ASIC2: variants seen among roughly 807,000 people sequenced by gnomAD.
The protein encoded by ASIC2 is acid-sensing ion channel 2.
Under a neutral mutation model 57.3 loss-of-function variants are expected in ASIC2, and 25 were observed. The observed-to-expected ratio is 0.44, with a 90% CI of 0.32 to 0.61. The LOEUF is 0.61. Ranked by LOEUF, ASIC2 falls within the 20% of genes least tolerant of loss-of-function variation. The probability of loss-of-function intolerance (pLI) is 0.06; values close to 1 mark genes in which losing one functional copy is unlikely to be tolerated. For synonymous variants in ASIC2, 319 were observed against 307.5 expected (o/e 1.04, Z -0.39); for missense variants, 641 against 738.1 (o/e 0.87, Z 1.52).
intron 1 of ASIC2, among the ~76,000 whole-genome samples, chr17:33,532,239 A>G (rs1445831362): frequency 6.6e-6 from 1 of 152,150 alleles, no homozygotes; most frequent in Non-Finnish European, 1.5e-5. Context: ...GTCATTCATC[A>G]AACCCATTTT....
intron 1 of ASIC2, among the ~76,000 whole-genome samples, chr17:33,347,816 G>A (rs1908010758): frequency 6.6e-6 from 1 of 152,154 alleles, no homozygotes; most frequent in African/African-American, 2.4e-5. Flanking sequence ...AAAATGGATT[G>A]TTATGCTGGG....
intron 1 of ASIC2, among the ~76,000 whole-genome samples, chr17:33,317,371 T>C (rs1047738229): frequency 5.9e-5 from 9 of 152,154 alleles, no homozygotes; most frequent in African/African-American, 2.2e-4. Context: ...TGCCTCCAGG[T>C]TGGGTGAGCA....
intron 1 of ASIC2, among the ~76,000 whole-genome samples, chr17:33,642,375 A>G (rs1906600363): frequency 6.6e-6 from 1 of 152,082 alleles, no homozygotes; most frequent in East Asian, 1.9e-4. Flanking sequence ...GTTTGCAGCA[A>G]AGGGCCCTTG....
At position 33,585,943 on chromosome 17, in the gene ASIC2, G is replaced by A. The variant is rs58095143; in HGVS notation, c.556-473876C>T. ...TCTCCACTAGTGTCCTTTTTGGAGCGTAGTGCCACAGTATAAGACTAAGTA... is the reference window on the plus strand; with the variant it reads ...TCTCCACTAGTGTCCTTTTTGGAGCATAGTGCCACAGTATAAGACTAAGTA... On this transcript the variant is annotated intron_variant, in intron 1 of 9. Coordinates refer to the ASIC2 transcript ENST00000359872. 2.1e-3 allele frequency among the ~76,000 whole-genome samples: 318 copies of A among 152,270 alleles called. 2 individuals are homozygous for A. Among genetic ancestry groups the A allele is most frequent in the African/African-American group, 6.9e-3 (285 of 41,546 alleles).
intron 1 of ASIC2, among the ~76,000 whole-genome samples, chr17:33,247,584 G>A (rs572150166): frequency 6.6e-6 from 1 of 152,320 alleles, no homozygotes; most frequent in Non-Finnish European, 1.5e-5. Flanking sequence ...AAGAGAACAA[G>A]GTAGCTTTCA....
intron 1 of ASIC2, among the ~76,000 whole-genome samples, chr17:33,260,285 A>T (rs1380965614): frequency 6.6e-6 from 1 of 152,116 alleles, no homozygotes; most frequent in African/African-American, 2.4e-5. Flanking sequence ...TTGTCTCCAA[A>T]TGCTCTCCAA....
intron 3 of ASIC2, among the ~76,000 whole-genome samples, chr17:33,047,639 C>T (rs536802428): frequency 5.3e-5 from 8 of 152,290 alleles, no homozygotes; most frequent in African/African-American, 1.9e-4. Context: ...TATGCCTGGC[C>T]TTACTTTACA....
intron 1 of ASIC2, among the ~76,000 whole-genome samples, chr17:33,722,314 A>C (rs1248782862): frequency 6.6e-6 from 1 of 152,196 alleles, no homozygotes; most frequent in Non-Finnish European, 1.5e-5. Flanking sequence ...CCCCAGCCAT[A>C]TGGAACTGTG....
chr17:34,095,587 T>C (rs1910488212), intron 1 of ASIC2, among the ~76,000 whole-genome samples: 1 of 131,512 alleles, frequency 7.6e-6, no homozygotes, highest in African/African-American at 2.6e-5. Context: ...AGGGAAGAGT[T>C]GGGGAGAAGC....
At chr17:33,707,369 C>T (rs1000386258) in intron 1 of ASIC2, among the ~76,000 whole-genome samples, 2 of 152,086 alleles carry the variant, frequency 1.3e-5, no homozygotes, top group Admixed American at 1.3e-4. Flanking sequence ...ACATTTTGAA[C>T]CTTCTGACTA....
intron 1 of ASIC2, among the ~76,000 whole-genome samples, chr17:33,309,414 C>T (rs551420822): frequency 9.5e-4 from 145 of 152,312 alleles, no homozygotes; most frequent in Non-Finnish European, 1.7e-3. Flanking sequence ...GAGCTATGCA[C>T]TAAAGTGCTG....
intron 1 of ASIC2, among the ~76,000 whole-genome samples, chr17:33,199,646 C>T (rs887249760): frequency 6.6e-6 from 1 of 152,160 alleles, no homozygotes; most frequent in Non-Finnish European, 1.5e-5. Context: ...TTGAACATGG[C>T]CCTGCTCTGG....
At chr17:33,610,031 T>C (rs1388356372) in intron 1 of ASIC2, among the ~76,000 whole-genome samples, 3 of 147,438 alleles carry the variant, frequency 2.0e-5, no homozygotes, top group East Asian at 2.0e-4. Flanking sequence ...CCATCTCTCT[T>C]CACTGGGACC....
chr17:33,386,314 T>G (rs142817946), intron 1 of ASIC2, among the ~76,000 whole-genome samples: 27 of 152,286 alleles, frequency 1.8e-4, no homozygotes, highest in African/African-American at 6.5e-4. Flanking sequence ...CATATTCACC[T>G]TCTACTTCAT....
At chr17:33,089,478 G>C (rs1213529186) in intron 2 of ASIC2, among the ~76,000 whole-genome samples, 1 of 152,138 alleles carries the variant, frequency 6.6e-6, no homozygotes, top group Non-Finnish European at 1.5e-5. Context: ...AATCCATTTT[G>C]GACTTCTGAC....
At chr17:33,760,604 G>GAT (rs34210908) in intron 1 of ASIC2, among the ~76,000 whole-genome samples, 18,507 of 149,052 alleles carry the variant, frequency 0.12, 2,020 homozygotes, top group East Asian at 0.55. Context: ...ATATATGCAA[G>GAT]ATATATATAT....
chr17:34,045,091 G>C (rs1039279944), intron 1 of ASIC2, among the ~76,000 whole-genome samples: 3 of 152,234 alleles, frequency 2.0e-5, no homozygotes, highest in Middle Eastern at 6.8e-3. Context: ...GAATGTGGAC[G>C]TGGCACCATC....
chr17:33,579,652 G>A (rs1005052813), intron 1 of ASIC2, among the ~76,000 whole-genome samples: 7 of 151,850 alleles, frequency 4.6e-5, no homozygotes, highest in African/African-American at 1.7e-4. Context: ...TCTTCCTTCT[G>A]GTGGGCTCCT....
At chr17:33,423,734 G>C (rs1911121514) in intron 1 of ASIC2, among the ~76,000 whole-genome samples, 1 of 152,086 alleles carries the variant, frequency 6.6e-6, no homozygotes, top group Non-Finnish European at 1.5e-5. Context: ...CCAAACATTG[G>C]CACCCATGAT....
Sources: gnomAD v4.1 joint callset for allele counts (sites outside exome capture counted in the v4.1 genomes callset) on GRCh38, gnomAD v4.1.1 for gene constraint, MANE v1.5 for transcripts, NCBI Gene and HGNC (gene_info 2026-07-23, HGNC 2026-07-21) for gene names.